The following CCDC57 variants were observed in gnomAD, a reference collection of about 807,000 sequenced individuals.
The protein encoded by CCDC57 is coiled-coil domain-containing protein 57.
CCDC57 carries 118 observed loss-of-function variants against 118.9 expected under a neutral mutation model. The ratio of observed to expected loss-of-function variants is 0.99; its 90% CI spans 0.86 to 1.16. The LOEUF is 1.16. CCDC57 is among the 50% of genes most tolerant of loss of function. The pLI, the probability that CCDC57 is intolerant of heterozygous loss-of-function variation, is 0.00. For synonymous variants in CCDC57, 527 were observed against 532.9 expected (o/e 0.99, Z 0.15); for missense variants, 1,300 against 1,320.7 (o/e 0.98, Z 0.24).
chr17:82,121,997 C>G lies in CCDC57; in HGVS notation c.2899+5695G>C, dbSNP rs1021074306. Among the ~76,000 whole-genome samples, 4 of 152,164 alleles carry G rather than the reference C, an allele frequency of 2.6e-5. No homozygotes were observed. The South Asian group carries it at 8.3e-4, about 32-fold the overall frequency. ...TGGACGTGTGCTGCTGTGTCAGGAACGCTCCTTCCTGCAGCACGGCCTCGG... is the reference window on the plus strand; with the variant it reads ...TGGACGTGTGCTGCTGTGTCAGGAAGGCTCCTTCCTGCAGCACGGCCTCGG... On this transcript the variant is annotated intron_variant, in intron 19 of 19. Transcript: ENST00000665763.
intron 18 of CCDC57, among the ~76,000 whole-genome samples, 154 bp downstream of exon 17, chr17:82,128,339 G>A (rs888449719): frequency 1.3e-5 from 2 of 152,170 alleles, no homozygotes; most frequent in African/African-American, 4.8e-5. Context: ...ACGCTCTGCA[G>A]CTCACCCTGC....
intron 19 of CCDC57, among the ~76,000 whole-genome samples, chr17:82,106,767 GTC>G (rs2034876424): frequency 6.6e-6 from 1 of 152,202 alleles, no homozygotes; most frequent in African/African-American, 2.4e-5. Context: ...ACGACTCGTG[GTC>G]TCTGTTGGCA....
At chr17:82,119,935 T>G (rs958863188) in intron 19 of CCDC57, among the ~76,000 whole-genome samples, 3 of 152,080 alleles carry the variant, frequency 2.0e-5, no homozygotes, top group African/African-American at 7.2e-5. Context: ...GCCTCAGAGG[T>G]TGGCCGTGCC....
chr17:82,118,775 A>G lies in CCDC57; in HGVS notation c.2899+8917T>C, dbSNP rs2036256645. Among the ~76,000 whole-genome samples the G allele has an allele frequency of 1.3e-5, 2 of 152,008 alleles. No homozygotes were observed. The highest frequency in any genetic ancestry group is 6.6e-5 in the Admixed American group (1 of 15,266). ...CTGACTTTTGTTGTGCTGCTGAAGAATATCTTTCCAGTTTGATGATTTTTC... is the reference window on the plus strand; with the variant it reads ...CTGACTTTTGTTGTGCTGCTGAAGAGTATCTTTCCAGTTTGATGATTTTTC... On this transcript the variant is annotated intron_variant, in intron 19 of 19. Transcript: ENST00000665763. The surrounding 1 kb of genome is among the most constrained non-coding windows in gnomAD (Gnocchi z 4.7).
chr17:82,108,703 CTG>C (rs2035034811), intron 19 of CCDC57: 1 of 152,372 alleles, frequency 6.6e-6, no homozygotes, highest in African/African-American at 2.4e-5. Flanking sequence ...GAGGCGGTGA[CTG>C]TGAGCGTGAC....
At chr17:82,195,092 A>G (rs2048141233) in intron 5 of CCDC57, among the ~76,000 whole-genome samples, 171 bp downstream of exon 4, 1 of 152,254 alleles carries the variant, frequency 6.6e-6, no homozygotes, top group Non-Finnish European at 1.5e-5. Context: ...CCACCCTGCC[A>G]TGGGGCACAG....
At chr17:82,114,133 G>A (rs1343824424) in intron 19 of CCDC57, among the ~76,000 whole-genome samples, 2 of 152,162 alleles carry the variant, frequency 1.3e-5, no homozygotes, top group Non-Finnish European at 2.9e-5. Context: ...GGACTGTAAC[G>A]TTCCCTGCGC....
chr17:82,138,305 C>T (rs1210589271), intron 16 of CCDC57, among the ~76,000 whole-genome samples: 4 of 151,432 alleles, frequency 2.6e-5, no homozygotes, highest in Non-Finnish European at 5.9e-5. Flanking sequence ...CCCACCACCA[C>T]GCCTGGCTAA....
intron 8 of CCDC57, among the ~76,000 whole-genome samples, chr17:82,184,225 G>A (rs1377724599): frequency 6.6e-6 from 1 of 151,866 alleles, no homozygotes; most frequent in Non-Finnish European, 1.5e-5. Context: ...AGCACACCAG[G>A]CCATGTGCCA....
chr17:82,150,730 C>T (rs2041848575), intron 16 of CCDC57, among the ~76,000 whole-genome samples: 2 of 83,026 alleles, frequency 2.4e-5, no homozygotes, highest in Non-Finnish European at 4.6e-5. Flanking sequence ...TAGAACCTGG[C>T]ACACACCCAG....
chr17:82,202,949 C>A (rs973674322), intron 2 of CCDC57, among the ~76,000 whole-genome samples: 2 of 152,162 alleles, frequency 1.3e-5, no homozygotes, highest in Non-Finnish European at 2.9e-5. Flanking sequence ...TCCCTCAGAA[C>A]CAATGCCCCT....
chr17:82,169,803 C>A (rs2044453991), intron 13 of CCDC57, among the ~76,000 whole-genome samples: 1 of 152,118 alleles, frequency 6.6e-6, no homozygotes, highest in Admixed American at 6.5e-5. Flanking sequence ...TAGAATGAAC[C>A]TTTTGATGTT....
chr17:82,119,109 T>C (rs1269854746), intron 19 of CCDC57, among the ~76,000 whole-genome samples: 1 of 4,750 alleles, frequency 2.1e-4, no homozygotes, highest in Admixed American at 2.9e-3. Context: ...GGGGTGGGGG[T>C]GGGAGTGGGG....
chr17:82,127,699 T>G (rs765292615), exon 19 of CCDC57: 1 of 1,603,332 alleles, frequency 6.2e-7, no homozygotes, highest in South Asian at 1.1e-5. Context: ...TACCTGGAGT[T>G]GAGTCACCCT....
intron 16 of CCDC57, among the ~76,000 whole-genome samples, chr17:82,134,687 G>C (rs368761781): frequency 6.6e-6 from 1 of 152,056 alleles, no homozygotes; most frequent in Non-Finnish European, 1.5e-5. Context: ...CCAGCTACTC[G>C]GGAGGCTGAG....
At position 82,172,684 on chromosome 17, in the gene CCDC57, A is replaced by C; in HGVS notation, c.1683T>G (p.Asp561Glu). 1 of 1,558,036 alleles carries C rather than the reference A, an allele frequency of 6.4e-7. No homozygotes were observed. Among genetic ancestry groups the C allele is most frequent in the Non-Finnish European group, 8.7e-7 (1 of 1,151,100 alleles). Residue 561 changes from aspartate (D) to glutamate (E), a missense_variant, in exon 12 of 20, where the codon GAT becomes GAG. Transcript: ENST00000665763. This position sits in a 1 kb window ranked among gnomAD's most constrained non-coding sequence, Gnocchi z 5.2. ...CAGCCTCTGGGTCAGGCTGGTTTGC[A>C]TCTGTGCTCTCTGCCGCTGTCTGGA...
intron 3 of CCDC57, among the ~76,000 whole-genome samples, chr17:82,200,283 G>A (rs892236372): frequency 6.6e-6 from 1 of 152,198 alleles, no homozygotes; most frequent in Admixed American, 6.5e-5. Flanking sequence ...GCACTGACAC[G>A]AAGGACAGAC....
intron 10 of CCDC57, 124 bp downstream of exon 9, chr17:82,178,903 T>G: frequency 9.1e-7 from 1 of 1,094,150 alleles, no homozygotes; most frequent in Non-Finnish European, 1.3e-6. Flanking sequence ...ATTACTCTAA[T>G]TACTCAGTGA....
intron 19 of CCDC57, among the ~76,000 whole-genome samples, chr17:82,123,175 C>T (rs1406179075): frequency 7.2e-6 from 1 of 139,720 alleles, no homozygotes; most frequent in East Asian, 2.0e-4. Context: ...CTCACCCAGG[C>T]TGGAGTGCAG....
Sources: allele counts gnomAD v4.1 joint callset (sites outside exome capture counted in the v4.1 genomes callset), GRCh38; gene constraint gnomAD v4.1.1; non-coding constraint Gnocchi (gnomAD v3.1); transcripts MANE v1.5; gene names NCBI Gene and HGNC (gene_info 2026-07-23, HGNC 2026-07-21).